MAPRE2: variants seen among roughly 807,000 people sequenced by gnomAD.
The protein encoded by MAPRE2 is microtubule associated protein RP/EB family member 2, also known as microtubule-associated protein RP/EB family member 2.
MAPRE2 carries 13 observed loss-of-function variants against 43.2 expected under a neutral mutation model. That is an observed-to-expected ratio of 0.30 (90% CI 0.20 to 0.48). The LOEUF (loss-of-function observed/expected upper bound fraction) is 0.48, where lower values mean the gene tolerates loss of function less well. Ranked by LOEUF, MAPRE2 falls within the 20% of genes least tolerant of loss-of-function variation. The probability of loss-of-function intolerance (pLI) is 0.99; values close to 1 mark genes in which losing one functional copy is unlikely to be tolerated. For missense variants in MAPRE2, 161 were observed against 400.2 expected, an observed-to-expected ratio of 0.40 and a Z score of 5.10; for synonymous variants, 135 against 148.8, an observed-to-expected ratio of 0.91 and a Z score of 0.68.
intron 6 of MAPRE2, among the ~76,000 whole-genome samples, chr18:35,133,259 T>C (rs1254468798): frequency 6.6e-6 from 1 of 152,164 alleles, no homozygotes; most frequent in Non-Finnish European, 1.5e-5. Flanking sequence ...TTTATCACTT[T>C]TTTTTTTCAC....
chr18:35,044,160 G>A (rs1905503213), intron 1 of MAPRE2, among the ~76,000 whole-genome samples: 1 of 152,206 alleles, frequency 6.6e-6, no homozygotes. Flanking sequence ...CAAGATCAGA[G>A]GGAATTCTTT....
chr18:35,029,225 T>A (rs141320089), intron 2 of MAPRE2, among the ~76,000 whole-genome samples: 19 of 152,346 alleles, frequency 1.2e-4, no homozygotes, highest in African/African-American at 4.6e-4. Flanking sequence ...TGCTTTAATT[T>A]TCTTTTTAAA....
intron 2 of MAPRE2, among the ~76,000 whole-genome samples, chr18:35,077,938 T>G (rs1308991599): frequency 6.6e-6 from 1 of 152,236 alleles, no homozygotes; most frequent in Non-Finnish European, 1.5e-5. Flanking sequence ...TAAAAACATG[T>G]CAATCACTTT....
intron 1 of MAPRE2, among the ~76,000 whole-genome samples, chr18:34,997,130 C>T (rs2097026906): frequency 6.6e-6 from 1 of 152,130 alleles, no homozygotes; most frequent in Non-Finnish European, 1.5e-5. Flanking sequence ...CCTCCTTATT[C>T]ATTTTTGTAT....
At chr18:35,024,311 T>C (rs917982037) in intron 2 of MAPRE2, among the ~76,000 whole-genome samples, 3 of 152,238 alleles carry the variant, frequency 2.0e-5, no homozygotes, top group Admixed American at 6.5e-5. Context: ...CTAGGAGGAA[T>C]AGAGATTTTC....
At chr18:35,067,568 A>AT (rs796662412) in intron 1 of MAPRE2, among the ~76,000 whole-genome samples, 30 of 151,976 alleles carry the variant, frequency 2.0e-4, no homozygotes, top group Non-Finnish European at 3.7e-4. Context: ...TTGCATTTAG[A>AT]TTTTTTTTAA....
At chr18:35,059,097 A>C (rs998964157) in intron 1 of MAPRE2, among the ~76,000 whole-genome samples, 10 of 152,250 alleles carry the variant, frequency 6.6e-5, no homozygotes, top group Admixed American at 2.0e-4. Context: ...GAAAGTTTTC[A>C]ATAAATATTA....
chr18:34,986,977 G>A (rs1296735996), intron 1 of MAPRE2, among the ~76,000 whole-genome samples: 1 of 151,980 alleles, frequency 6.6e-6, no homozygotes, highest in Non-Finnish European at 1.5e-5. Context: ...AAAGATCTGA[G>A]GTTATATTTA....
chr18:35,075,217 G>A (rs1907290128), intron 2 of MAPRE2, among the ~76,000 whole-genome samples: 1 of 152,222 alleles, frequency 6.6e-6, no homozygotes, highest in African/African-American at 2.4e-5. Flanking sequence ...GTAGCCATCA[G>A]ATGGCCCTGG....
rs1237530421 is a variant in MAPRE2 at position 35,141,277 on chromosome 18, A to C, written c.*908A>C. ...TCTTTGTGTAGGTTTCAGCCACAAA[A>C]CTGTCATTCACTCTAGGGGACCCCT... On this transcript the variant is annotated 3_prime_UTR_variant, in exon 7 of 7. Coordinates refer to ENST00000300249, the MANE Select transcript of MAPRE2 (RefSeq NM_014268.4). The C allele has an allele frequency of 6.6e-6, 1 of 152,212 alleles. No individual in the cohort carries two copies. The highest frequency in any genetic ancestry group is 1.5e-5 in the Non-Finnish European group (1 of 68,088). The allele number at this position is 152,212 out of a possible 1,614,324, so 9.4% of individuals were successfully genotyped here.
intron 1 of MAPRE2, among the ~76,000 whole-genome samples, chr18:35,002,017 A>G (rs2097029630): frequency 6.6e-6 from 1 of 152,154 alleles, no homozygotes; most frequent in East Asian, 1.9e-4. Flanking sequence ...TGTCAACACA[A>G]TCAAGGTTCA....
intron 1 of MAPRE2, among the ~76,000 whole-genome samples, chr18:35,061,484 G>T (rs964288461): frequency 3.3e-5 from 5 of 152,170 alleles, no homozygotes; most frequent in African/African-American, 1.2e-4. Context: ...AGGCCCGGCC[G>T]CAGGGAGGGT....
rs146946708 is a variant in MAPRE2, at chr18:35,035,697, G to T, written c.-8+30144G>T. ...ATACTCTCTGTGACATTTGACCTTAGAGACCTCTCCCTCCTTTGTGAGACC... is the reference window on the plus strand; with the variant it reads ...ATACTCTCTGTGACATTTGACCTTATAGACCTCTCCCTCCTTTGTGAGACC... On this transcript the variant is annotated intron_variant, in intron 2 of 7. Transcript: ENST00000413393. 4.6e-4 allele frequency among the ~76,000 whole-genome samples: 69 copies of T among 150,026 alleles called. 1 individual carries two copies. The East Asian group carries it at 8.8e-3, about 19-fold the overall frequency.
intron 3 of MAPRE2, among the ~76,000 whole-genome samples, chr18:35,098,503 T>C (rs1200504084): frequency 6.6e-6 from 1 of 152,234 alleles, no homozygotes; most frequent in East Asian, 1.9e-4. Flanking sequence ...GACATTCTTA[T>C]CAATATATTA....
In MAPRE2 at chr18:35,089,178, T is replaced by A. The variant is rs1051499702; in HGVS notation, c.251-8268T>A. ...CGTGACCCAGAGCACAAGTAGAGAG[T>A]TGAACTTTGATAGGAACTATGCAGT... On this transcript the variant is annotated intron_variant, in intron 2 of 6. Coordinates refer to ENST00000300249, the MANE Select transcript of MAPRE2 (RefSeq NM_014268.4). 2.6e-5 allele frequency among the ~76,000 whole-genome samples: 4 copies of A among 152,078 alleles called. No homozygotes were observed. In the East Asian group the frequency reaches 7.7e-4, roughly 29 times the overall value.
chr18:34,977,534 G>A (rs1461425000), intron 1 of MAPRE2, among the ~76,000 whole-genome samples: 1 of 152,302 alleles, frequency 6.6e-6, no homozygotes, highest in Non-Finnish European at 1.5e-5. Context: ...AGAGCTGGGG[G>A]CTCTGGCAGG....
chr18:35,078,606 A>G (rs1448569555), intron 2 of MAPRE2, among the ~76,000 whole-genome samples: 1 of 152,194 alleles, frequency 6.6e-6, no homozygotes, highest in East Asian at 1.9e-4. Flanking sequence ...ATCATAGCCC[A>G]GTACTCTCAT....
intron 1 of MAPRE2, among the ~76,000 whole-genome samples, chr18:34,999,996 G>A (rs1207115250): frequency 6.6e-6 from 1 of 151,936 alleles, no homozygotes; most frequent in Non-Finnish European, 1.5e-5. Context: ...ATATCTAGTA[G>A]GCTCCACCTC....
intron 2 of MAPRE2, among the ~76,000 whole-genome samples, chr18:35,092,638 T>G (rs575033155): frequency 9.9e-5 from 15 of 152,232 alleles, no homozygotes; most frequent in Non-Finnish European, 1.8e-4. Context: ...AAAAAACTCC[T>G]TCACAGCAAA....
Sources: gnomAD v4.1 joint callset for allele counts (sites outside exome capture counted in the v4.1 genomes callset) on GRCh38, gnomAD v4.1.1 for gene constraint, MANE v1.5 for transcripts, NCBI Gene and HGNC (gene_info 2026-07-23, HGNC 2026-07-21) for gene names.